SENP1: variants seen among roughly 807,000 people sequenced by gnomAD.
SENP1 encodes sentrin-specific protease 1.
Under a neutral mutation model 93.0 loss-of-function variants are expected in SENP1, and 21 were observed. The observed-to-expected ratio is 0.23, with a 90% CI of 0.16 to 0.33. The LOEUF (loss-of-function observed/expected upper bound fraction) is 0.33, where lower values mean the gene tolerates loss of function less well. Ranked by LOEUF, SENP1 falls within the 10% of genes least tolerant of loss-of-function variation. The pLI is 1.00. For missense variants in SENP1, 591 were observed against 758.7 expected (o/e 0.78, Z 2.60); for synonymous variants, 256 against 259.6 (o/e 0.99, Z 0.13).
intron 5 of SENP1, among the ~76,000 whole-genome samples, chr12:48,087,221 T>C (rs1366945345): frequency 6.6e-6 from 1 of 152,184 alleles, no homozygotes; most frequent in Non-Finnish European, 1.5e-5. Context: ...CAAAAGAATA[T>C]GTATACTATA....
chr12:48,063,403 T>C (rs1045632780), intron 13 of SENP1, among the ~76,000 whole-genome samples: 2 of 152,186 alleles, frequency 1.3e-5, no homozygotes, highest in African/African-American at 2.4e-5. Flanking sequence ...TCAGAAGAGA[T>C]GAACTGCAGA....
chr12:48,054,024 G>C (rs146642706), intron 13 of SENP1, among the ~76,000 whole-genome samples: 1 of 152,260 alleles, frequency 6.6e-6, no homozygotes, highest in African/African-American at 2.4e-5. Flanking sequence ...ATAGGGTCTT[G>C]GGGGGAAAAT....
chr12:48,094,486 C>T (rs1945423050), intron 4 of SENP1, among the ~76,000 whole-genome samples: 2 of 152,054 alleles, frequency 1.3e-5, no homozygotes, highest in African/African-American at 4.8e-5. Flanking sequence ...TCGAGAACAA[C>T]CTGGCCAACA....
At chr12:48,089,091 C>A (rs984612490) in intron 4 of SENP1, 131 bp from the exon 5 acceptor site, 3 of 1,547,324 alleles carry the variant, frequency 1.9e-6, no homozygotes, top group African/African-American at 2.7e-5. Context: ...AAGAAAGATC[C>A]CAGTCTCAAC....
chr12:48,098,265 T>A lies in SENP1; in HGVS notation c.5-141A>T, dbSNP rs12313404. On this transcript the variant is annotated intron_variant, in intron 2 of 17. Coordinates refer to ENST00000549518, the MANE Select transcript of SENP1 (RefSeq NM_001267594.2). ...CTGTAATCCCAGCACTCTGAGAGGC[T>A]GAGGCAGGAGGATTTTTTTGAGGCC... The A allele has an allele frequency of 0.19, 147,531 of 792,834 alleles. 15,551 individuals are homozygous for A. Among genetic ancestry groups the A allele is most frequent in the East Asian group, 0.24 (8,511 of 34,832 alleles). 49.1% of individuals were successfully genotyped at this position (792,834 alleles called of 1,614,324 possible). A position where few individuals can be genotyped will look rare whatever the true frequency, so the allele number is the denominator to read the frequency against.
intron 9 of SENP1, among the ~76,000 whole-genome samples, chr12:48,068,573 A>G (rs1943449847): frequency 6.6e-6 from 1 of 152,186 alleles, no homozygotes; most frequent in Admixed American, 6.5e-5. Flanking sequence ...TGTTCTTTCG[A>G]CTGTGCCTTT....
chr12:48,092,943 T>C (rs552400940), intron 4 of SENP1, among the ~76,000 whole-genome samples: 1 of 152,318 alleles, frequency 6.6e-6, no homozygotes, highest in South Asian at 2.1e-4. Context: ...TGCTTTTAAG[T>C]CATGTTATTA....
Position 48,045,281 on chromosome 12 carries a change from TG to T in SENP1, c.*40del. The T allele has an allele frequency of 1.3e-6, 2 of 1,555,538 alleles. No individual in the cohort carries two copies. Among genetic ancestry groups the T allele is most frequent in the Non-Finnish European group, 1.8e-6 (2 of 1,127,588 alleles). On this transcript the variant is annotated 3_prime_UTR_variant, in exon 18 of 18. Transcript: ENST00000549518. Reference sequence around the variant, plus strand: ...TCTCTGGCTGTAGACAACAAAGAGCTGGTCCCCCACATGGTCAAGGTCTGCT... The same window carrying T: ...TCTCTGGCTGTAGACAACAAAGAGCTGTCCCCCACATGGTCAAGGTCTGCT...
chr12:48,053,366 T>A (rs1474363929), intron 13 of SENP1, among the ~76,000 whole-genome samples: 1 of 151,096 alleles, frequency 6.6e-6, no homozygotes, highest in Admixed American at 6.6e-5. Flanking sequence ...TGGTCCCAGC[T>A]CCTTGGGAGG....
At chr12:48,066,792 G>GT (rs1943334562) in intron 10 of SENP1, 135 bp downstream of exon 10, 1 of 701,774 alleles carries the variant, frequency 1.4e-6, no homozygotes, top group Non-Finnish European at 2.5e-6. Context: ...AATTACAGGC[G>GT]TGAGCCACCG....
intron 12 of SENP1, 92 bp from the exon 13 acceptor site, chr12:48,063,933 T>TGGGG: frequency 8.5e-7 from 1 of 1,171,742 alleles, no homozygotes; most frequent in Non-Finnish European, 1.2e-6. Context: ...TCAGACTATA[T>TGGGG]TTATCACCAT....
At chr12:48,067,577 G>A (rs1323022913) in intron 9 of SENP1, among the ~76,000 whole-genome samples, 1 of 152,100 alleles carries the variant, frequency 6.6e-6, no homozygotes, top group African/African-American at 2.4e-5. Flanking sequence ...TAACTAGGCA[G>A]GATCTATCAC....
chr12:48,081,651 G>C (rs1412407657), intron 6 of SENP1, among the ~76,000 whole-genome samples: 1 of 143,534 alleles, frequency 7.0e-6, no homozygotes, highest in Non-Finnish European at 1.5e-5. Context: ...GCTGACCGTA[G>C]CCTTGAAATC....
At chr12:48,101,959 C>A (rs1945965079) in intron 1 of SENP1, among the ~76,000 whole-genome samples, 1 of 152,290 alleles carries the variant, frequency 6.6e-6, no homozygotes, top group East Asian at 1.9e-4. Context: ...TCTTCCATGT[C>A]TTACTCAGTA....
chr12:48,052,119 G>A (rs1353208786), intron 13 of SENP1, among the ~76,000 whole-genome samples: 2 of 152,176 alleles, frequency 1.3e-5, no homozygotes, highest in African/African-American at 4.8e-5. Flanking sequence ...AGAGCTGCCA[G>A]GCTGAAGCTG....
rs752637216 is a variant in SENP1, at chr12:48,083,776, T to G, written c.381-14A>C. On this transcript the variant is annotated splice_polypyrimidine_tract_variant and intron_variant, in intron 5 of 17. Transcript: ENST00000549518. ...TTTGATAATCCACTAAAAAAAGAGTTTGTAAGAAAGATAAGAACAGATAAT... is the reference window on the plus strand; with the variant it reads ...TTTGATAATCCACTAAAAAAAGAGTGTGTAAGAAAGATAAGAACAGATAAT... 1 of 1,578,944 alleles carries G rather than the reference T, an allele frequency of 6.3e-7. No individual in the cohort carries two copies. Among genetic ancestry groups the G allele is most frequent in the Non-Finnish European group, 8.6e-7 (1 of 1,162,526 alleles).
At position 48,083,783 on chromosome 12, in the gene SENP1, AAAGAT is replaced by A. The variant is rs751650366; in HGVS notation, c.381-26_381-22del. 2.6e-4 allele frequency: 403 copies of A among 1,563,358 alleles called. 2 individuals carry two copies. Among genetic ancestry groups the A allele is most frequent in the Non-Finnish European group, 6.1e-5 (70 of 1,148,750 alleles). On this transcript the variant is annotated intron_variant, in intron 5 of 17. Transcript: ENST00000549518. ...ATCCACTAAAAAAAGAGTTTGTAAG[AAAGAT>A]AAGAACAGATAATAAGTAAAATAAA...
At chr12:48,101,179 G>A (rs1279967923) in intron 2 of SENP1, among the ~76,000 whole-genome samples, 3 of 152,136 alleles carry the variant, frequency 2.0e-5, no homozygotes, top group South Asian at 4.1e-4. Flanking sequence ...CCAGCTACTT[G>A]GGAGGCTGAG....
chr12:48,047,164 TCTGCTCTTCTGAGG>T, intron 15 of SENP1, 102 bp from the exon 16 acceptor site: 1 of 702,316 alleles, frequency 1.4e-6, no homozygotes. Flanking sequence ...ATTTGTTTCA[TCTGCTCTTCTGAGG>T]AAAAGAGTAT....
Sources: gnomAD v4.1 joint callset for allele counts (sites outside exome capture counted in the v4.1 genomes callset) on GRCh38, gnomAD v4.1.1 for gene constraint, MANE v1.5 for transcripts, NCBI Gene and HGNC (gene_info 2026-07-23, HGNC 2026-07-21) for gene names.